ZNF804B: variants seen among roughly 807,000 people sequenced by gnomAD.
ZNF804B encodes the protein zinc finger 804B.
Under a neutral mutation model 101.4 loss-of-function variants are expected in ZNF804B, and 80 were observed. The observed-to-expected ratio is 0.79, with a 90% CI of 0.66 to 0.95. ZNF804B has a LOEUF of 0.95. Among genes scored for constraint, ZNF804B ranks in the 40% least tolerant of loss-of-function variants. The pLI is 0.00. For synonymous variants in ZNF804B, 622 were observed against 558.8 expected, an observed-to-expected ratio of 1.11 and a Z score of -1.59; for missense variants, 1,673 against 1,561.9, an observed-to-expected ratio of 1.07 and a Z score of -1.20.
At chr7:89,109,096 T>A (rs557230383) in intron 1 of ZNF804B, among the ~76,000 whole-genome samples, 2 of 125,106 alleles carry the variant, frequency 1.6e-5, no homozygotes, top group South Asian at 2.6e-4. Context: ...AGGAGAAAAA[T>A]TTTTTAAATC....
At chr7:88,970,726 C>A (rs1793523008) in intron 1 of ZNF804B, among the ~76,000 whole-genome samples, 1 of 147,598 alleles carries the variant, frequency 6.8e-6, no homozygotes, top group Admixed American at 7.0e-5. Context: ...GACAAAAAAA[C>A]CAAACACCGC....
At chr7:88,915,808 C>T (rs1342591491) in intron 1 of ZNF804B, among the ~76,000 whole-genome samples, 1 of 140,504 alleles carries the variant, frequency 7.1e-6, no homozygotes, top group African/African-American at 2.8e-5. Context: ...TAAATATTTG[C>T]TGACATTATA....
chr7:88,859,687 AT>A (rs1361860969), intron 1 of ZNF804B, among the ~76,000 whole-genome samples: 1 of 151,932 alleles, frequency 6.6e-6, no homozygotes, highest in Non-Finnish European at 1.5e-5. Flanking sequence ...TTCCATAGCA[AT>A]TATGTGCAGC....
chr7:89,028,969 TGCAAATTATTTA>T (rs1562864824), intron 1 of ZNF804B, among the ~76,000 whole-genome samples: 2 of 152,224 alleles, frequency 1.3e-5, no homozygotes, highest in African/African-American at 4.8e-5. Flanking sequence ...CCTACTAGCC[TGCAAATTATTTA>T]GCAAAGTGGT....
At chr7:89,277,768 G>A (rs1004297135) in intron 2 of ZNF804B, among the ~76,000 whole-genome samples, 3 of 151,744 alleles carry the variant, frequency 2.0e-5, no homozygotes, top group African/African-American at 7.3e-5. Context: ...ATTTGTGTTG[G>A]TTCCAAGTCT....
At chr7:88,957,581 T>G (rs906456429) in intron 1 of ZNF804B, among the ~76,000 whole-genome samples, 1 of 151,390 alleles carries the variant, frequency 6.6e-6, no homozygotes, top group Non-Finnish European at 1.5e-5. Context: ...CTGGTATTCT[T>G]GCATTAATTA....
chr7:89,171,425 TC>T, intron 1 of ZNF804B, among the ~76,000 whole-genome samples: 1 of 150,252 alleles, frequency 6.7e-6, no homozygotes. Context: ...CTTCTCCTTC[TC>T]CTTCTCCTTC....
At chr7:88,926,943 C>CCGGGGT (rs1554346833) in intron 1 of ZNF804B, among the ~76,000 whole-genome samples, 1 of 144,352 alleles carries the variant, frequency 6.9e-6, no homozygotes, top group Non-Finnish European at 1.5e-5. Flanking sequence ...TGGTGGGGAG[C>CCGGGGT]GGGGGGAAAG....
intron 1 of ZNF804B, among the ~76,000 whole-genome samples, chr7:88,892,010 T>C (rs1233945507): frequency 2.6e-5 from 4 of 152,120 alleles, no homozygotes; most frequent in Non-Finnish European, 5.9e-5. Context: ...ATTTAACATA[T>C]AAAAGCCTAA....
intron 1 of ZNF804B, among the ~76,000 whole-genome samples, chr7:88,777,124 A>T (rs1185223787): frequency 6.6e-6 from 1 of 152,166 alleles, no homozygotes; most frequent in African/African-American, 2.4e-5. Flanking sequence ...CTTTGCAGGC[A>T]TCCATGAGCC....
intron 1 of ZNF804B, among the ~76,000 whole-genome samples, chr7:89,050,228 A>T (rs1235333204): frequency 1.3e-5 from 2 of 152,296 alleles, no homozygotes; most frequent in East Asian, 1.9e-4. Context: ...AGTGACCTAG[A>T]TATAAAATTT....
intron 1 of ZNF804B, among the ~76,000 whole-genome samples, chr7:89,196,516 A>G (rs765674977): frequency 2.6e-4 from 40 of 152,158 alleles, no homozygotes; most frequent in East Asian, 3.9e-4. Context: ...ACCCAAAACC[A>G]TAAAAACCCA....
At chr7:89,145,130 A>T (rs1790773786) in intron 1 of ZNF804B, among the ~76,000 whole-genome samples, 1 of 152,008 alleles carries the variant, frequency 6.6e-6, no homozygotes, top group African/African-American at 2.4e-5. Flanking sequence ...TTAATTCAAA[A>T]AAACGAAAAT....
chr7:88,970,239 T>C (rs544382670), intron 1 of ZNF804B, among the ~76,000 whole-genome samples: 1 of 151,796 alleles, frequency 6.6e-6, no homozygotes, highest in East Asian at 2.0e-4. Context: ...GTGCAGGATG[T>C]GCAGGCTTGT....
At chr7:89,046,210 C>T (rs1229295002) in intron 1 of ZNF804B, among the ~76,000 whole-genome samples, 1 of 151,846 alleles carries the variant, frequency 6.6e-6, no homozygotes, top group Non-Finnish European at 1.5e-5. Context: ...TTTACTGAGG[C>T]CTCCCCAGCC....
chr7:89,085,603 C>T (rs1789786523), intron 1 of ZNF804B, among the ~76,000 whole-genome samples: 1 of 151,798 alleles, frequency 6.6e-6, no homozygotes, highest in African/African-American at 2.4e-5. Context: ...ACTCTATATG[C>T]CACTCAAATG....
At chr7:89,169,145 C>T (rs909612235) in intron 1 of ZNF804B, among the ~76,000 whole-genome samples, 2 of 152,076 alleles carry the variant, frequency 1.3e-5, no homozygotes, top group Non-Finnish European at 2.9e-5. Context: ...CTGCCCCATC[C>T]GGAGGAGTGA....
intron 1 of ZNF804B, among the ~76,000 whole-genome samples, chr7:89,117,821 A>G (rs1790333757): frequency 6.6e-6 from 1 of 152,200 alleles, no homozygotes; most frequent in African/African-American, 2.4e-5. Context: ...ATGTAAAACC[A>G]CACTTTGAAA....
intron 1 of ZNF804B, among the ~76,000 whole-genome samples, chr7:89,024,651 T>A: frequency 9.4e-6 from 1 of 106,848 alleles, no homozygotes; most frequent in Non-Finnish European, 1.8e-5. Flanking sequence ...CAGAGAAGAG[T>A]ATCATTCTTG....
Sources: gnomAD v4.1 joint callset for allele counts (sites outside exome capture counted in the v4.1 genomes callset) on GRCh38, gnomAD v4.1.1 for gene constraint, MANE v1.5 for transcripts, NCBI Gene and HGNC (gene_info 2026-07-23, HGNC 2026-07-21) for gene names.